Variants in GNB1 observed in about 807,000 individuals in gnomAD.
The protein encoded by GNB1 is G protein subunit beta 1.
A neutral mutation model predicts 42.9 loss-of-function variants in GNB1; 2 were observed. That is an observed-to-expected ratio of 0.05 (90% CI 0.02 to 0.15). The LOEUF (loss-of-function observed/expected upper bound fraction) is 0.15, where lower values mean the gene tolerates loss of function less well. Ranked by LOEUF, GNB1 falls within the 10% of genes least tolerant of loss-of-function variation. The probability of loss-of-function intolerance (pLI) is 1.00; values close to 1 mark genes in which losing one functional copy is unlikely to be tolerated. For synonymous variants in GNB1, 183 were observed against 174.7 expected, an observed-to-expected ratio of 1.05 and a Z score of -0.38; for missense variants, 193 against 462.2, an observed-to-expected ratio of 0.42 and a Z score of 5.34.
chr1:1,887,709 G>A (rs1388609825), intron 1 of GNB1, among the ~76,000 whole-genome samples: 1 of 152,150 alleles, frequency 6.6e-6, no homozygotes, highest in Non-Finnish European at 1.5e-5. Context: ...CCTGCCTCCC[G>A]GGTTCAAGCG....
intron 5 of GNB1, among the ~76,000 whole-genome samples, chr1:1,815,109 CT>C (rs1646834847): frequency 7.1e-6 from 1 of 141,018 alleles, no homozygotes; most frequent in Admixed American, 7.2e-5. Flanking sequence ...GAGACTCCGT[CT>C]TTAAAAAAAA....
At chr1:1,880,410 A>C (rs2101877128) in intron 1 of GNB1, among the ~76,000 whole-genome samples, 1 of 151,904 alleles carries the variant, frequency 6.6e-6, no homozygotes, top group African/African-American at 2.4e-5. Flanking sequence ...ACCACGGTGA[A>C]ACCCCGCCTC....
chr1:1,848,135 T>G (rs1299751790), intron 1 of GNB1, among the ~76,000 whole-genome samples: 2 of 151,964 alleles, frequency 1.3e-5, no homozygotes, highest in Non-Finnish European at 2.9e-5. Context: ...CTCCCAGCAC[T>G]TTGGGAGGCC....
intron 8 of GNB1, 98 bp downstream of exon 8, chr1:1,793,147 A>G: frequency 1.5e-6 from 1 of 669,076 alleles, no homozygotes; most frequent in Middle Eastern, 2.5e-4. Flanking sequence ...AGATGGCCTA[A>G]TATTATGTCA....
chr1:1,805,385 A>AGG (rs1646683134), intron 6 of GNB1, among the ~76,000 whole-genome samples: 1 of 143,168 alleles, frequency 7.0e-6, no homozygotes, highest in African/African-American at 2.6e-5. Context: ...CGCTTGAACC[A>AGG]GGGGGGTGGA....
chr1:1,798,851 G>A (rs1646582246), intron 7 of GNB1, among the ~76,000 whole-genome samples: 2 of 151,994 alleles, frequency 1.3e-5, no homozygotes, highest in African/African-American at 4.8e-5. Context: ...ACAAGTGCAT[G>A]CCACCACATC....
Position 1,849,952 on chromosome 1 carries a change from A to G in GNB1, c.-95-10714T>C, listed in dbSNP as rs1355553371. Among the ~76,000 whole-genome samples, 5 of 151,936 alleles carry G rather than the reference A, an allele frequency of 3.3e-5. No homozygotes were observed. The South Asian group carries it at 6.2e-4, about 19-fold the overall frequency. ...TTATCTGTATATTTGACAGTTTGCTATAGTCTCACAACTACTCAACACTTT... is the reference window on the plus strand; with the variant it reads ...TTATCTGTATATTTGACAGTTTGCTGTAGTCTCACAACTACTCAACACTTT... On this transcript the variant is annotated intron_variant, in intron 1 of 11. Coordinates refer to ENST00000378609, the MANE Select transcript of GNB1 (RefSeq NM_002074.5).
At chr1:1,806,745 G>A (rs551491555) in intron 5 of GNB1, among the ~76,000 whole-genome samples, 97 of 152,206 alleles carry the variant, frequency 6.4e-4, no homozygotes, top group African/African-American at 2.1e-3. Flanking sequence ...AGGCTGAGGT[G>A]GGCAGATCAC....
chr1:1,798,980 C>A (rs901583189), intron 7 of GNB1, among the ~76,000 whole-genome samples: 3 of 148,946 alleles, frequency 2.0e-5, no homozygotes, highest in African/African-American at 7.4e-5. Context: ...AGTGCGGTGG[C>A]GCGATCTCGG....
At chr1:1,801,664 C>T (rs186265115) in intron 7 of GNB1, among the ~76,000 whole-genome samples, 25 of 152,104 alleles carry the variant, frequency 1.6e-4, no homozygotes, top group African/African-American at 5.8e-4. Context: ...ATCAAGTAAC[C>T]CAGGCCAGGC....
intron 1 of GNB1, among the ~76,000 whole-genome samples, chr1:1,874,464 G>A (rs948754848): frequency 2.6e-5 from 4 of 151,920 alleles, no homozygotes; most frequent in East Asian, 1.9e-4. Context: ...AGAGAAAGCC[G>A]GGCGTGGCGG....
At chr1:1,814,042 A>G (rs1390906334) in intron 5 of GNB1, among the ~76,000 whole-genome samples, 1 of 152,130 alleles carries the variant, frequency 6.6e-6, no homozygotes, top group Non-Finnish European at 1.5e-5. Flanking sequence ...ATTCCTAACT[A>G]AAACTCTGTA....
At chr1:1,848,479 C>T (rs2101449965) in intron 1 of GNB1, among the ~76,000 whole-genome samples, 1 of 152,254 alleles carries the variant, frequency 6.6e-6, no homozygotes, top group Admixed American at 6.5e-5. Flanking sequence ...CCACCACCTC[C>T]ATCCAAGACA....
At chr1:1,887,895 G>T (rs1488873934) in intron 1 of GNB1, among the ~76,000 whole-genome samples, 1 of 152,180 alleles carries the variant, frequency 6.6e-6, no homozygotes, top group Non-Finnish European at 1.5e-5. Context: ...GATTACAGGC[G>T]TGAGCCACCA....
At chr1:1,802,736 C>T (rs1299895775) in intron 7 of GNB1, among the ~76,000 whole-genome samples, 2 of 149,578 alleles carry the variant, frequency 1.3e-5, no homozygotes, top group Non-Finnish European at 1.5e-5. Flanking sequence ...TGTACTACAG[C>T]CTGGGTGACA....
At position 1,793,248 on chromosome 1, in the gene GNB1, G is replaced by T; in HGVS notation, c.494C>A (p.Thr165Lys). 1 of 1,609,922 alleles carries T rather than the reference G, an allele frequency of 6.2e-7. No homozygotes were observed. The highest frequency in any genetic ancestry group is 8.5e-7 in the Non-Finnish European group (1 of 1,176,684). ...NQIVTSSGDT[T>K]CALWDIETGQ... ...CTGCCCCGGGTCAGGTACTTACCAC[G>T]TGGTGTCTCCAGAGCTGGTGACGAT... The change falls in exon 8 of 12, where the codon ACG (threonine) becomes AAG (lysine). Residue 165 changes from threonine (T) to lysine (K), a missense_variant. Thr to Lys is a moderately conservative substitution (Grantham distance 78, BLOSUM62 -1). This residue lies in a region of GNB1 where 150 missense variants were observed against 410.8 expected (regional missense o/e 0.37). Transcript: ENST00000378609.
At chr1:1,841,283 G>A (rs895238205) in intron 1 of GNB1, among the ~76,000 whole-genome samples, 1 of 152,156 alleles carries the variant, frequency 6.6e-6, no homozygotes, top group African/African-American at 2.4e-5. Flanking sequence ...CTGCATCCCA[G>A]GTTCCAGCGA....
chr1:1,838,533 C>T (rs1252034202), intron 2 of GNB1, among the ~76,000 whole-genome samples: 2 of 151,906 alleles, frequency 1.3e-5, no homozygotes, highest in Non-Finnish European at 2.9e-5. Flanking sequence ...CAAGCTCCGC[C>T]TCCTGGGTTC....
intron 3 of GNB1, among the ~76,000 whole-genome samples, chr1:1,821,977 T>A (rs533577524): frequency 6.6e-6 from 1 of 151,982 alleles, no homozygotes; most frequent in Admixed American, 6.6e-5. Flanking sequence ...TCTACAAAAT[T>A]GAAAAAAACC....
Sources: gnomAD v4.1 joint callset for allele counts (sites outside exome capture counted in the v4.1 genomes callset) on GRCh38, gnomAD v4.1.1 for gene constraint, gnomAD v4.1.1 regional missense constraint, MANE v1.5 for transcripts, NCBI Gene and HGNC (gene_info 2026-07-23, HGNC 2026-07-21) for gene names.